Variants in TLN2 observed in about 807,000 individuals in gnomAD.
TLN2 encodes the protein talin 2.
In TLN2, 118 loss-of-function variants were observed where a neutral mutation model predicts 294.7. That is an observed-to-expected ratio of 0.40 (90% CI 0.34 to 0.47). TLN2 has a LOEUF of 0.47. Ranked by LOEUF, TLN2 falls within the 20% of genes least tolerant of loss-of-function variation. The pLI is 0.84. For missense variants in TLN2, 3,083 were observed against 3,282.2 expected, an observed-to-expected ratio of 0.94 and a Z score of 1.48; for synonymous variants, 1,431 against 1,304.5, an observed-to-expected ratio of 1.10 and a Z score of -2.09.
chr15:62,458,646 A>G (rs545602629), intron 1 of TLN2, among the ~76,000 whole-genome samples: 14 of 150,124 alleles, frequency 9.3e-5, no homozygotes, highest in African/African-American at 3.4e-4. Context: ...GTGCGCACCT[A>G]TAGTCCCGGC....
intron 1 of TLN2, among the ~76,000 whole-genome samples, chr15:62,400,068 G>A (rs2032906248): frequency 6.6e-6 from 1 of 152,214 alleles, no homozygotes; most frequent in African/African-American, 2.4e-5. Context: ...AATTATGGGG[G>A]CGGTTACCGC....
chr15:62,711,770 G>A, intron 21 of TLN2, 141 bp from the exon 22 acceptor site: 1 of 867,918 alleles, frequency 1.2e-6, no homozygotes, highest in Non-Finnish European at 1.6e-6. Flanking sequence ...TTGGATGCAT[G>A]GCTTAGGACT....
At chr15:62,538,105 C>G (rs1317171058) in intron 1 of TLN2, among the ~76,000 whole-genome samples, 1 of 152,072 alleles carries the variant, frequency 6.6e-6, no homozygotes, top group Admixed American at 6.5e-5. Flanking sequence ...GCCTGTAACT[C>G]CAGCTACTCA....
chr15:62,631,538 TTTCCTTTCCA>T (rs750696575), intron 3 of TLN2, among the ~76,000 whole-genome samples: 23,990 of 98,588 alleles, frequency 0.24, 3,733 homozygotes, highest in African/African-American at 0.31. Flanking sequence ...TTTCCTTTCC[TTTCCTTTCCA>T]TTCCTTTCCT....
chr15:62,796,093 C>CT (rs758772919), intron 46 of TLN2, 34 bp from the exon 47 acceptor site: 1 of 1,607,590 alleles, frequency 6.2e-7, no homozygotes. Context: ...CTCTCCATTT[C>CT]TTAGCTCCCC....
At chr15:62,783,335 C>A (rs547748966) in intron 44 of TLN2, among the ~76,000 whole-genome samples, 3 of 152,222 alleles carry the variant, frequency 2.0e-5, no homozygotes, top group Non-Finnish European at 4.4e-5. Context: ...CCGACAGAAG[C>A]CTTGGCCCAG....
intron 1 of TLN2, among the ~76,000 whole-genome samples, chr15:62,443,776 A>G (rs939421363): frequency 2.0e-5 from 3 of 152,188 alleles, no homozygotes; most frequent in African/African-American, 7.2e-5. Flanking sequence ...CAGAGGACAG[A>G]GGATTGCTTG....
At chr15:62,410,613 G>A (rs1029098239) in intron 1 of TLN2, among the ~76,000 whole-genome samples, 5 of 152,176 alleles carry the variant, frequency 3.3e-5, no homozygotes, top group Non-Finnish European at 7.3e-5. Flanking sequence ...CATTCTCTCC[G>A]TTAGTGCTTA....
chr15:62,619,846 T>G (rs557238224), intron 3 of TLN2, among the ~76,000 whole-genome samples: 2 of 152,222 alleles, frequency 1.3e-5, no homozygotes, highest in South Asian at 4.1e-4. Context: ...TCCTATTGTT[T>G]TAGGACACCA....
intron 5 of TLN2, among the ~76,000 whole-genome samples, chr15:62,650,410 T>C (rs1037463135): frequency 6.6e-6 from 1 of 152,230 alleles, no homozygotes; most frequent in African/African-American, 2.4e-5. Flanking sequence ...AAGTAGTTTC[T>C]ACTTGTCGTT....
Position 62,468,863 on chromosome 15 carries a change from G to A in TLN2, c.-238+78178G>A, listed in dbSNP as rs2037302902. 2.6e-5 allele frequency among the ~76,000 whole-genome samples: 4 copies of A among 152,274 alleles called. No individual in the cohort carries two copies. In the South Asian group the frequency reaches 8.3e-4, roughly 32 times the overall value. On this transcript the variant is annotated intron_variant, in intron 1 of 58. Transcript: ENST00000636159. Reference sequence around the variant, plus strand: ...AATGAATGTCAAAGGCTTCAGACAGGGATGCTCATTTCCATGCTGTTTTCT... The same window carrying A: ...AATGAATGTCAAAGGCTTCAGACAGAGATGCTCATTTCCATGCTGTTTTCT...
intron 1 of TLN2, among the ~76,000 whole-genome samples, chr15:62,493,346 C>T (rs2038847926): frequency 6.6e-6 from 1 of 152,146 alleles, no homozygotes; most frequent in African/African-American, 2.4e-5. Flanking sequence ...TCAGTTTCCT[C>T]ACGTGTCAAA....
intron 1 of TLN2, among the ~76,000 whole-genome samples, chr15:62,524,913 A>G (rs566262366): frequency 6.6e-6 from 1 of 152,272 alleles, no homozygotes; most frequent in South Asian, 2.1e-4. Flanking sequence ...TCCTTCTTTC[A>G]TTTTGCACTC....
At chr15:62,739,571 G>A in intron 31 of TLN2, 26 bp downstream of exon 31, 1 of 1,613,118 alleles carries the variant, frequency 6.2e-7, no homozygotes, top group East Asian at 2.2e-5. Context: ...GTTGTCTGGA[G>A]TTGACCTTAG....
At chr15:62,466,123 A>G (rs1024251884) in intron 1 of TLN2, among the ~76,000 whole-genome samples, 1 of 152,204 alleles carries the variant, frequency 6.6e-6, no homozygotes, top group Non-Finnish European at 1.5e-5. Flanking sequence ...AGCGGCTGCC[A>G]GCCTGGAGAG....
chr15:62,773,458 A>C lies in TLN2; in HGVS notation c.5367+2324A>C, dbSNP rs188036414. 9.2e-5 allele frequency among the ~76,000 whole-genome samples: 14 copies of C among 152,188 alleles called. No individual in the cohort carries two copies. In the East Asian group the frequency reaches 2.7e-3, roughly 30 times the overall value. On this transcript the variant is annotated intron_variant, in intron 42 of 58. Coordinates refer to ENST00000636159, the MANE Select transcript of TLN2 (RefSeq NM_015059.3). ...TTCTGTCCCTCACTGGTCTCATTCA[A>C]CCTGCTCTCTTTCTGCAAACCCTGA...
chr15:62,645,750 T>C (rs1386103947), intron 3 of TLN2, among the ~76,000 whole-genome samples: 1 of 152,150 alleles, frequency 6.6e-6, no homozygotes, highest in African/African-American at 2.4e-5. Context: ...ACCTGCAGGT[T>C]CTCTCATAAA....
intron 1 of TLN2, among the ~76,000 whole-genome samples, chr15:62,420,317 G>T (rs1304120716): frequency 6.6e-6 from 1 of 152,056 alleles, no homozygotes; most frequent in African/African-American, 2.4e-5. Flanking sequence ...AACCAGTCCA[G>T]ATTTTTCAAA....
At chr15:62,768,136 C>T (rs911789352) in intron 41 of TLN2, among the ~76,000 whole-genome samples, 4 of 152,200 alleles carry the variant, frequency 2.6e-5, no homozygotes, top group African/African-American at 9.6e-5. Flanking sequence ...CCCAGATCAG[C>T]AGCTTCAGCA....
Sources: allele counts gnomAD v4.1 joint callset (sites outside exome capture counted in the v4.1 genomes callset), GRCh38; gene constraint gnomAD v4.1.1; transcripts MANE v1.5; gene names NCBI Gene and HGNC (gene_info 2026-07-23, HGNC 2026-07-21).